URB1: variants seen among roughly 807,000 people sequenced by gnomAD.
The protein encoded by URB1 is URB1 ribosome biogenesis factor.
URB1 carries 197 observed loss-of-function variants against 242.3 expected under a neutral mutation model. The ratio of observed to expected loss-of-function variants is 0.81; its 90% confidence interval spans 0.72 to 0.91. The LOEUF (loss-of-function observed/expected upper bound fraction) is 0.91, where lower values mean the gene tolerates loss of function less well. Ranked by LOEUF, URB1 falls within the 40% of genes least tolerant of loss-of-function variation. The pLI, the probability that URB1 is intolerant of heterozygous loss-of-function variation, is 0.00. For missense variants in URB1, 2,721 were observed against 2,860.5 expected (o/e 0.95, Z 1.11); for synonymous variants, 1,153 against 1,201.8 (o/e 0.96, Z 0.84).
At position 32,314,833 on chromosome 21, in the gene URB1, A is replaced by T. The variant is rs1218123777; in HGVS notation, c.*85T>A. The stretch of plus-strand genomic sequence containing the variant: ...TGTTGTTTCCCATGCCTTCTCTGGA[A>T]ACCCTTGACTCAACCAAACTTCTAG... On this transcript the variant is annotated 3_prime_UTR_variant, in exon 39 of 39. Transcript: ENST00000382751. 6.6e-7 allele frequency: 1 copy of T among 1,503,990 alleles called. No individual in the cohort carries two copies. Among genetic ancestry groups the T allele is most frequent in the Non-Finnish European group, 8.9e-7 (1 of 1,121,044 alleles). 93.2% of individuals were successfully genotyped at this position (1,503,990 alleles called of 1,614,324 possible).
At chr21:32,321,779 T>G in intron 34 of URB1, 22 bp downstream of exon 34, 1 of 1,550,322 alleles carries the variant, frequency 6.5e-7, no homozygotes, top group Non-Finnish European at 8.7e-7. Context: ...CGCTCTCAAA[T>G]AAGCTTGCGG....
chr21:32,336,006 C>A (rs2032954964), intron 28 of URB1, among the ~76,000 whole-genome samples: 1 of 152,134 alleles, frequency 6.6e-6, no homozygotes, highest in African/African-American at 2.4e-5. Context: ...GTAGCTGGAA[C>A]AATGCTGCAC....
chr21:32,392,206 G>A (rs2033646934), intron 1 of URB1, among the ~76,000 whole-genome samples: 1 of 152,130 alleles, frequency 6.6e-6, no homozygotes. Context: ...ACAAGTAGTC[G>A]CGAAGGGTGG....
In URB1 at chr21:32,347,277, C is replaced by A; in HGVS notation, c.3547G>T (p.Gly1183Cys). Residue 1183 changes from glycine (G) to cysteine (C), a missense_variant, in exon 22 of 39, where the codon GGC (glycine) becomes TGC (cysteine). Gly to Cys is a radical substitution (Grantham distance 159). Transcript: ENST00000382751. ...AGCGTGGGCAGCAGAGCCCCCAGGC[C>A]TCTCACATACTCGGAGGACCACAGG... ...ELLWSSEYVR[G>C]LGALLPTLAV... The A allele has an allele frequency of 6.4e-7, 1 of 1,551,038 alleles. No individual in the cohort carries two copies. Among genetic ancestry groups the A allele is most frequent in the East Asian group, 2.4e-5 (1 of 40,908 alleles).
Position 32,314,373 on chromosome 21 carries a change from T to TG in URB1, c.*544dup. On this transcript the variant is annotated 3_prime_UTR_variant, in exon 39 of 39. Coordinates refer to ENST00000382751, the MANE Select transcript of URB1 (RefSeq NM_014825.3). ...CTAATTTTTGTATTTTTAGTAGAGA[T>TG]GGGGTTTCACCATGTTGGGAAGGCT... is the stretch of plus-strand genomic sequence containing the variant. 1.8e-6 allele frequency: 1 copy of TG among 558,026 alleles called. No homozygotes were observed. Among genetic ancestry groups the TG allele is most frequent in the East Asian group, 3.5e-5 (1 of 28,594 alleles). The allele number at this position is 558,026 out of a possible 1,614,324, so 34.6% of individuals were successfully genotyped here.
chr21:32,337,851 CCA>C (rs1169065981), intron 26 of URB1, among the ~76,000 whole-genome samples: 1 of 152,022 alleles, frequency 6.6e-6, no homozygotes, highest in African/African-American at 2.4e-5. Flanking sequence ...TAAGACATCT[CCA>C]CAGTCACCTT....
chr21:32,319,252 G>A lies in URB1; in HGVS notation c.5757C>T (p.Phe1919=), dbSNP rs1197010475. 2.6e-6 allele frequency: 4 copies of A among 1,551,096 alleles called. No individual in the cohort carries two copies. Among genetic ancestry groups the A allele is most frequent in the Non-Finnish European group, 3.5e-6 (4 of 1,146,754 alleles). Residue 1919 remains phenylalanine (F), a synonymous_variant, in exon 36 of 39, where the codon TTC becomes TTT. Transcript: ENST00000382751. ...TCATGAGCACGATGAGAACATAAAG[G>A]AACTCATTGACCAGGTGCAGGGCAA... The part of the protein sequence containing the change: ...KRLALHLVNE[F]LYVLIVLMKH...
intron 13 of URB1, among the ~76,000 whole-genome samples, chr21:32,360,624 T>C (rs1315760533): frequency 6.6e-6 from 1 of 152,202 alleles, no homozygotes; most frequent in Non-Finnish European, 1.5e-5. Flanking sequence ...GAAGTAACTA[T>C]GTCAAAAGTG....
intron 24 of URB1, among the ~76,000 whole-genome samples, chr21:32,343,826 A>G (rs1228733845): frequency 2.0e-5 from 3 of 152,190 alleles, no homozygotes; most frequent in Non-Finnish European, 4.4e-5. Context: ...AAAGTACAAG[A>G]AACTTGAATA....
intron 20 of URB1, among the ~76,000 whole-genome samples, chr21:32,350,010 G>C (rs1019287272): frequency 2.6e-5 from 4 of 152,044 alleles, no homozygotes; most frequent in African/African-American, 9.7e-5. Context: ...GTTGCAGTGA[G>C]CTGAGGGTTG....
In URB1 at chr21:32,334,317, G is replaced by A; in HGVS notation, c.4703C>T (p.Pro1568Leu). Residue 1568 changes from proline to leucine, a missense_variant, in exon 29 of 39, where the codon CCA becomes CTA. Physicochemically the swap from Pro to Leu is moderately conservative, Grantham distance 98. Coordinates refer to ENST00000382751, the MANE Select transcript of URB1 (RefSeq NM_014825.3). ...LINFRVLLWG[P>L]AAVEHHKTCR... Reference sequence around the variant, plus strand: ...CGTCTTGTGATGCTCCACGGCCGCTGGGCCCCACAGCAGCACCCTAGAGCC... The same window carrying A: ...CGTCTTGTGATGCTCCACGGCCGCTAGGCCCCACAGCAGCACCCTAGAGCC... The A allele has an allele frequency of 6.5e-7, 1 of 1,549,984 alleles. No individual in the cohort carries two copies.
Position 32,337,463 on chromosome 21 carries a change from CAG to C in URB1, c.4560_4561del (p.Cys1521Ter). On this transcript the variant is annotated frameshift_variant, in exon 27 of 39. Transcript: ENST00000382751. LOFTEE classifies it high-confidence loss of function. ...AAGCACTGCAAAGTGGCTGCTCTCA[CAG>C]ACAGAGGGGCACATCTCCACCACCG... The C allele has an allele frequency of 6.4e-7, 1 of 1,551,594 alleles. No homozygotes were observed. The highest frequency in any genetic ancestry group is 8.7e-7 in the Non-Finnish European group (1 of 1,146,996).
chr21:32,392,918 A>C lies in URB1; in HGVS notation c.-8T>G, dbSNP rs373827834. On this transcript the variant is annotated 5_prime_UTR_variant, in exon 1 of 39. Transcript: ENST00000382751. Reference sequence around the variant, plus strand: ...CCTCTTGGGGACCCCCATGGCCGAGAGGGCGGAAGCGCGACGGAAACGACA... The same window carrying C: ...CCTCTTGGGGACCCCCATGGCCGAGCGGGCGGAAGCGCGACGGAAACGACA... The C allele has an allele frequency of 2.9e-5, 43 of 1,505,940 alleles. No homozygotes were observed. The African/African-American group carries it at 5.3e-4, about 19-fold the overall frequency. The allele number at this position is 1,505,940 out of a possible 1,614,324, so 93.3% of individuals were successfully genotyped here. A position where few individuals can be genotyped will look rare whatever the true frequency, so the allele number is the denominator to read the frequency against.
chr21:32,317,887 G>A lies in URB1; in HGVS notation c.5823C>T (p.Asn1941=). The A allele has an allele frequency of 6.4e-7, 1 of 1,551,784 alleles. No individual in the cohort carries two copies. Residue 1941 remains asparagine, a synonymous_variant, in exon 37 of 39, where the codon AAC becomes AAT. Transcript: ENST00000382751. ...RPTLAPVQLT[N]FFGTLDSVLR... ...GCACGGAGTCAAGTGTCCCGAAGAA[G>A]TTGGTCAGCTGGACGGGGGCCAAGG...
intron 10 of URB1, among the ~76,000 whole-genome samples, chr21:32,363,802 T>TA (rs2033315558): frequency 6.6e-6 from 1 of 151,866 alleles, no homozygotes; most frequent in Non-Finnish European, 1.5e-5. Context: ...GCCAGGACTA[T>TA]AGGCACCTAC....
At chr21:32,375,544 G>A in intron 5 of URB1, 61 bp from the exon 6 acceptor site, 1 of 1,035,946 alleles carries the variant, frequency 9.7e-7, no homozygotes, top group Non-Finnish European at 1.4e-6. Flanking sequence ...GAATAGACGA[G>A]AGAATATTAC....
chr21:32,361,203 G>GAAAGAAAGAAAGAAAGA (rs1309655798), intron 12 of URB1, 80 bp from the exon 13 acceptor site: 4 of 936,396 alleles, frequency 4.3e-6, no homozygotes, highest in African/African-American at 3.4e-5. Context: ...AAGAAAGAAA[G>GAAAGAAAGAAAGAAAGA]AAAATAGCTT....
At chr21:32,343,397 A>G (rs1475859659) in intron 24 of URB1, among the ~76,000 whole-genome samples, 1 of 152,206 alleles carries the variant, frequency 6.6e-6, no homozygotes, top group African/African-American at 2.4e-5. Flanking sequence ...ACTGAACTTA[A>G]AGAAGTGAAA....
Position 32,372,585 on chromosome 21 carries a change from T to G in URB1, c.923A>C (p.His308Pro). ...ACAGCAAAGATCCATCAGGAAGTTA[T>G]GAACAAGCTCCCGCACCATGGTTTT... Reference protein sequence around the residue: ...AGKTMVRELVHNFLMDLCCSL... With the variant: ...AGKTMVRELVPNFLMDLCCSL... The change falls in exon 8 of 39, where the codon CAT becomes CCT. Residue 308 changes from histidine to proline, a missense_variant. Transcript: ENST00000382751. 6.4e-7 allele frequency: 1 copy of G among 1,551,700 alleles called. No individual in the cohort carries two copies. Among genetic ancestry groups the G allele is most frequent in the Non-Finnish European group, 8.7e-7 (1 of 1,146,992 alleles).
Sources: gnomAD v4.1 joint callset for allele counts (sites outside exome capture counted in the v4.1 genomes callset) on GRCh38, gnomAD v4.1.1 for gene constraint, MANE v1.5 for transcripts, NCBI Gene and HGNC (gene_info 2026-07-23, HGNC 2026-07-21) for gene names.